HIBCH: variants seen among roughly 807,000 people sequenced by gnomAD.
HIBCH encodes the protein 3-hydroxyisobutyryl-CoA hydrolase.
HIBCH carries 50 observed loss-of-function variants against 58.2 expected under a neutral mutation model. The observed-to-expected ratio is 0.86, with a 90% CI of 0.68 to 1.09. The LOEUF (loss-of-function observed/expected upper bound fraction) is 1.09. Ranked by LOEUF, HIBCH falls within the 50% of genes least tolerant of loss-of-function variation. The pLI is 0.00. For missense variants in HIBCH, 450 were observed against 449.7 expected, an observed-to-expected ratio of 1.00 and a Z score of -0.01; for synonymous variants, 151 against 146.9, an observed-to-expected ratio of 1.03 and a Z score of -0.20.
At chr2:190,230,722 C>T (rs1686071651) in intron 11 of HIBCH, among the ~76,000 whole-genome samples, 1 of 152,154 alleles carries the variant, frequency 6.6e-6, no homozygotes, top group African/African-American at 2.4e-5. Flanking sequence ...CTATAAATTA[C>T]AAACCTTCTC....
At chr2:190,224,281 C>T (rs972919848) in intron 11 of HIBCH, among the ~76,000 whole-genome samples, 5 of 152,122 alleles carry the variant, frequency 3.3e-5, no homozygotes, top group Non-Finnish European at 5.9e-5. Context: ...TGGAGCCCAC[C>T]GCAGATCAAG....
intron 12 of HIBCH, 134 bp downstream of exon 12, chr2:190,212,822 T>C: frequency 5.4e-6 from 4 of 735,184 alleles, no homozygotes; most frequent in Non-Finnish European, 9.0e-6. Flanking sequence ...CTAACTGGCC[T>C]GTTGTGTTTT....
At position 190,207,831 on chromosome 2, in the gene HIBCH, A is replaced by G. The variant is rs889257420; in HGVS notation, c.1045+1049T>C. On this transcript the variant is annotated intron_variant, in intron 13 of 13. Transcript: ENST00000359678. This position sits in a 1 kb window ranked among gnomAD's most constrained non-coding sequence, Gnocchi z 4.5. ...GGGAGGTGGAGGTTGCAGTAAGCCG[A>G]AAGTGCACCACTGCACTCCAGCCTG... 6.6e-6 allele frequency among the ~76,000 whole-genome samples: 1 copy of G among 152,168 alleles called. No individual in the cohort carries two copies. Among genetic ancestry groups the G allele is most frequent in the Non-Finnish European group, 1.5e-5 (1 of 68,036 alleles).
intron 3 of HIBCH, among the ~76,000 whole-genome samples, chr2:190,295,050 C>A (rs1274270099): frequency 6.6e-6 from 1 of 152,212 alleles, no homozygotes; most frequent in Non-Finnish European, 1.5e-5. Context: ...ATACAGGGCT[C>A]TCTTACTCTT....
At chr2:190,267,448 C>T (rs1388104098) in intron 6 of HIBCH, among the ~76,000 whole-genome samples, 1 of 152,004 alleles carries the variant, frequency 6.6e-6, no homozygotes, top group Non-Finnish European at 1.5e-5. Flanking sequence ...TCATCCACCT[C>T]GGCCTCCCAA....
chr2:190,305,063 A>T (rs979745117), intron 2 of HIBCH, among the ~76,000 whole-genome samples: 11 of 152,200 alleles, frequency 7.2e-5, no homozygotes, highest in Admixed American at 6.5e-4. Flanking sequence ...TAATATATTT[A>T]AAAAATAATA....
At chr2:190,309,095 G>A (rs1182466018) in intron 2 of HIBCH, among the ~76,000 whole-genome samples, 1 of 152,090 alleles carries the variant, frequency 6.6e-6, no homozygotes, top group Non-Finnish European at 1.5e-5. Flanking sequence ...GAGAAGTCTA[G>A]GTCCTTGTAA....
At chr2:190,237,443 T>C (rs1010108841) in intron 11 of HIBCH, among the ~76,000 whole-genome samples, 2 of 152,220 alleles carry the variant, frequency 1.3e-5, no homozygotes, top group South Asian at 2.1e-4. Flanking sequence ...ACAATAAGTT[T>C]ATTCAGTAAT....
rs1338003683 is a variant in HIBCH, at chr2:190,254,499, TAC to T, written c.518-2194_518-2193del. On this transcript the variant is annotated intron_variant, in intron 7 of 13. Coordinates refer to ENST00000359678, the MANE Select transcript of HIBCH (RefSeq NM_014362.4). The surrounding 1 kb of genome is among the most constrained non-coding windows in gnomAD (Gnocchi z 5.0). ...TTGTTATGCAGCCCTAAAAGTTTAA[TAC>T]ACTGCGAAATCACTCATGCCTTCTC... Among the ~76,000 whole-genome samples the T allele has an allele frequency of 6.6e-6, 1 of 152,198 alleles. No individual in the cohort carries two copies. Among genetic ancestry groups the T allele is most frequent in the Non-Finnish European group, 1.5e-5 (1 of 68,026 alleles).
rs1427635569 is a variant in HIBCH at position 190,304,832 on chromosome 2, CA to C, written c.78+5921del. On this transcript the variant is annotated intron_variant, in intron 2 of 13. Transcript: ENST00000359678. This position sits in a 1 kb window ranked among gnomAD's most constrained non-coding sequence, Gnocchi z 4.1. Reference sequence around the variant, plus strand: ...AACTGAAGCAACTTATAGATTAAAACAAAGTATAAAGAACTAAAGCATTTAG... The same window carrying C: ...AACTGAAGCAACTTATAGATTAAAACAAGTATAAAGAACTAAAGCATTTAG... Among the ~76,000 whole-genome samples, 1 of 152,028 alleles carries C rather than the reference CA, an allele frequency of 6.6e-6. No homozygotes were observed. Among genetic ancestry groups the C allele is most frequent in the Non-Finnish European group, 1.5e-5 (1 of 67,998 alleles).
intron 1 of HIBCH, among the ~76,000 whole-genome samples, chr2:190,314,329 G>GTA (rs1255478510): frequency 1.7e-3 from 6 of 3,444 alleles, no homozygotes; most frequent in Non-Finnish European, 0.015. Flanking sequence ...ATGTATATAT[G>GTA]TATATATACA....
rs1685606946 is a variant in HIBCH at position 190,217,969 on chromosome 2, T to G, written c.892-4894A>C. Among the ~76,000 whole-genome samples, 1 of 152,128 alleles carries G rather than the reference T, an allele frequency of 6.6e-6. No homozygotes were observed. Among genetic ancestry groups the G allele is most frequent in the African/African-American group, 2.4e-5 (1 of 41,416 alleles). On this transcript the variant is annotated intron_variant, in intron 11 of 13. Transcript: ENST00000359678. The surrounding 1 kb of genome is among the most constrained non-coding windows in gnomAD (Gnocchi z 4.6). ...CTCCGTCATTGGGGGTGGATACGGTTAGGATTAATCCTAACACAAGGGGTA... is the reference window on the plus strand; with the variant it reads ...CTCCGTCATTGGGGGTGGATACGGTGAGGATTAATCCTAACACAAGGGGTA...
intron 7 of HIBCH, among the ~76,000 whole-genome samples, chr2:190,257,601 T>C (rs1483537802): frequency 2.0e-5 from 3 of 152,130 alleles, no homozygotes. Flanking sequence ...TAGGGGAATA[T>C]TATTGTCTTA....
chr2:190,247,405 G>C (rs1311560983), intron 9 of HIBCH, among the ~76,000 whole-genome samples: 1 of 152,146 alleles, frequency 6.6e-6, no homozygotes, highest in East Asian at 1.9e-4. Flanking sequence ...CAAATGCTCT[G>C]ATAAAAACAA....
At chr2:190,309,926 G>C (rs1388142888) in intron 2 of HIBCH, among the ~76,000 whole-genome samples, 1 of 152,170 alleles carries the variant, frequency 6.6e-6, no homozygotes, top group Non-Finnish European at 1.5e-5. Context: ...GTCTGTGCAG[G>C]TATTGCCAAA....
At chr2:190,226,754 C>G (rs1685913157) in intron 11 of HIBCH, among the ~76,000 whole-genome samples, 1 of 152,186 alleles carries the variant, frequency 6.6e-6, no homozygotes, top group Admixed American at 6.5e-5. Context: ...AATCAATGTG[C>G]AAATATCACA....
chr2:190,193,324 A>G (rs1689805045), intron 1 of HIBCH, among the ~76,000 whole-genome samples: 1 of 152,052 alleles, frequency 6.6e-6, no homozygotes, highest in Admixed American at 6.5e-5. Context: ...TCCATTTTAC[A>G]CGTTAGATTC....
chr2:190,259,365 G>GTGTGTGTGTGTGTGTGTGTC (rs1305957511), intron 7 of HIBCH, among the ~76,000 whole-genome samples: 52 of 141,224 alleles, frequency 3.7e-4, no homozygotes, highest in Non-Finnish European at 6.0e-4. Flanking sequence ...GTGTGTGTGT[G>GTGTGTGTGTGTGTGTGTGTC]TGTCTGTCTG....
chr2:190,288,212 C>T, intron 5 of HIBCH, among the ~76,000 whole-genome samples: 1 of 144,872 alleles, frequency 6.9e-6, no homozygotes, highest in East Asian at 2.0e-4. Flanking sequence ...TGGTTGGGAA[C>T]ATTCAATATC....
Sources: allele counts gnomAD v4.1 joint callset (sites outside exome capture counted in the v4.1 genomes callset), GRCh38; gene constraint gnomAD v4.1.1; non-coding constraint Gnocchi (gnomAD v3.1); transcripts MANE v1.5; gene names NCBI Gene and HGNC (gene_info 2026-07-23, HGNC 2026-07-21).